Variants in GFPT2 observed in about 807,000 individuals in gnomAD.
The protein encoded by GFPT2 is glutamine--fructose-6-phosphate aminotransferase [isomerizing] 2.
Under a neutral mutation model 85.6 loss-of-function variants are expected in GFPT2, and 62 were observed. The observed-to-expected ratio is 0.72, with a 90% confidence interval of 0.59 to 0.90. GFPT2 has a LOEUF of 0.90. Among genes scored for constraint, GFPT2 ranks in the 40% least tolerant of loss-of-function variants. The pLI, the probability that GFPT2 is intolerant of heterozygous loss-of-function variation, is 0.00. For synonymous variants in GFPT2, 368 were observed against 344.5 expected, an observed-to-expected ratio of 1.07 and a Z score of -0.75; for missense variants, 788 against 893.4, an observed-to-expected ratio of 0.88 and a Z score of 1.50.
chr5:180,313,545 G>C (rs1039720962), intron 14 of GFPT2, among the ~76,000 whole-genome samples: 2 of 151,504 alleles, frequency 1.3e-5, no homozygotes, highest in African/African-American at 4.8e-5. Context: ...AGCCGAGATC[G>C]CGCCCCTGCA....
Position 180,328,396 on chromosome 5 carries a change from GC to G in GFPT2, c.535-59del. 1 of 1,391,538 alleles carries G rather than the reference GC, an allele frequency of 7.2e-7. No individual in the cohort carries two copies. The highest frequency in any genetic ancestry group is 1.0e-6 in the Non-Finnish European group (1 of 978,294). The allele number at this position is 1,391,538 out of a possible 1,614,324, so 86.2% of individuals were successfully genotyped here. ...TTCCAGCAGCCGCTGCTGCAGCCTG[GC>G]CACAGCCCAGGTGCGTCTCCCTGGG... is the stretch of plus-strand genomic sequence containing the variant. On this transcript the variant is annotated intron_variant, in intron 6 of 18. Coordinates refer to ENST00000253778, the MANE Select transcript of GFPT2 (RefSeq NM_005110.4). The surrounding 1 kb of genome is among the most constrained non-coding windows in gnomAD (Gnocchi z 5.4).
chr5:180,327,572 C>T (rs1281053088), intron 7 of GFPT2, among the ~76,000 whole-genome samples: 1 of 152,238 alleles, frequency 6.6e-6, no homozygotes, highest in East Asian at 1.9e-4. Flanking sequence ...TCTCTGCCCT[C>T]CTGTACAACT....
intron 17 of GFPT2, 143 bp downstream of exon 17, chr5:180,304,629 C>G (rs1237266481): frequency 2.6e-6 from 2 of 774,888 alleles, no homozygotes; most frequent in African/African-American, 3.4e-5. Context: ...GTGCACTCCC[C>G]ACAGGCGGCC....
At chr5:180,339,216 C>A (rs545287049) in intron 1 of GFPT2, among the ~76,000 whole-genome samples, 1 of 152,104 alleles carries the variant, frequency 6.6e-6, no homozygotes, top group African/African-American at 2.4e-5. Context: ...CCCATCTCTA[C>A]TAAAAATGCA....
intron 4 of GFPT2, among the ~76,000 whole-genome samples, chr5:180,332,065 C>T (rs1054629124): frequency 1.3e-5 from 2 of 152,222 alleles, no homozygotes; most frequent in Non-Finnish European, 2.9e-5. Context: ...ATCCTGGTTT[C>T]CTTGGGGGAA....
At chr5:180,314,191 C>A (rs930268092) in intron 13 of GFPT2, among the ~76,000 whole-genome samples, 15 of 152,178 alleles carry the variant, frequency 9.9e-5, no homozygotes, top group Admixed American at 5.2e-4. Context: ...TCGTGACAAC[C>A]CCGTGAGGAC....
chr5:180,335,125 C>T (rs1265731134), intron 4 of GFPT2, among the ~76,000 whole-genome samples: 2 of 152,234 alleles, frequency 1.3e-5, no homozygotes, highest in East Asian at 1.9e-4. Flanking sequence ...ATCTGTGGTG[C>T]TCCAACGTGC....
In GFPT2 at chr5:180,328,559, C is replaced by G. The variant is rs7730414; in HGVS notation, c.535-221G>C. Among the ~76,000 whole-genome samples, 1 of 152,178 alleles carries G rather than the reference C, an allele frequency of 6.6e-6. No homozygotes were observed. Among genetic ancestry groups the G allele is most frequent in the African/African-American group, 2.4e-5 (1 of 41,434 alleles). On this transcript the variant is annotated intron_variant, in intron 6 of 18. Transcript: ENST00000253778. The surrounding 1 kb of genome is among the most constrained non-coding windows in gnomAD (Gnocchi z 5.4). The stretch of plus-strand genomic sequence containing the variant: ...CACAAACCAGAACATGTGAATTCCA[C>G]GGTGAGCGATGTGCGGCTTGCCCAG...
chr5:180,309,210 A>G (rs1329703506), intron 15 of GFPT2, among the ~76,000 whole-genome samples: 1 of 152,126 alleles, frequency 6.6e-6, no homozygotes, highest in African/African-American at 2.4e-5. Flanking sequence ...GGTCAAGCTC[A>G]TGGTAACAGA....
intron 14 of GFPT2, among the ~76,000 whole-genome samples, chr5:180,312,792 T>C (rs959615482): frequency 1.2e-4 from 18 of 152,052 alleles, no homozygotes; most frequent in African/African-American, 4.3e-4. Context: ...CTATTTTGTT[T>C]TTGAGACAAA....
At chr5:180,343,337 G>A (rs1764554935) in intron 1 of GFPT2, among the ~76,000 whole-genome samples, 1 of 152,216 alleles carries the variant, frequency 6.6e-6, no homozygotes, top group Admixed American at 6.5e-5. Flanking sequence ...ACCCACGACA[G>A]CCTCCTGGAC....
chr5:180,316,492 A>G (rs1463526380), intron 12 of GFPT2, 31 bp from the exon 13 acceptor site: 6 of 1,613,456 alleles, frequency 3.7e-6, no homozygotes, highest in East Asian at 4.5e-5. Flanking sequence ...TGGAGACTAA[A>G]GTCAGTCACA....
intron 17 of GFPT2, among the ~76,000 whole-genome samples, chr5:180,302,794 G>C (rs1763702434): frequency 6.6e-6 from 1 of 152,122 alleles, no homozygotes; most frequent in African/African-American, 2.4e-5. Flanking sequence ...CCCCTTCCCT[G>C]GTAAGGAGAT....
At chr5:180,308,617 G>T (rs1252280243) in intron 15 of GFPT2, among the ~76,000 whole-genome samples, 1 of 152,164 alleles carries the variant, frequency 6.6e-6, no homozygotes, top group East Asian at 1.9e-4. Flanking sequence ...CATCAAACTT[G>T]AGAAACAGTA....
rs538567339 is a variant in GFPT2, at chr5:180,304,846, C to T, written c.1768G>A (p.Val590Ile). The change falls in exon 17 of 19, where the codon GTC becomes ATC. Residue 590 changes from valine (V) to isoleucine (I), a missense_variant. By Grantham distance (29) the Val-to-Ile change is conservative. Coordinates refer to ENST00000253778, the MANE Select transcript of GFPT2 (RefSeq NM_005110.4). Reference protein sequence around the residue: ...PLALIDKQMPVIMVIMKDPCF... With the variant: ...PLALIDKQMPIIMVIMKDPCF... The stretch of plus-strand genomic sequence containing the variant: ...GGATCCTTCATAATGACCATGATGA[C>T]GGGCATCTGCTTGTCAATCAGTGCC... 4.0e-5 allele frequency: 64 copies of T among 1,613,774 alleles called. No homozygotes were observed. The highest frequency in any genetic ancestry group is 6.7e-5 in the African/African-American group (5 of 75,050).
rs3080055 is a variant in GFPT2, at chr5:180,310,832, CAAAAAAAAAAAAA to C, written c.1546+1585_1546+1597del. Among the ~76,000 whole-genome samples, 94 of 50,600 alleles carry C rather than the reference CAAAAAAAAAAAAA, an allele frequency of 1.9e-3. 1 individual carries two copies. The South Asian group carries it at 0.064, about 34-fold the overall frequency. The allele number at this position is 50,600 out of a possible 152,430, so 33.2% of individuals were successfully genotyped here. ...CTGCCTTTGCAAATGTGGACACAGG[CAAAAAAAAAAAAA>C]AAAAAAAAAAAAAAAAAAATTTTTA... On this transcript the variant is annotated intron_variant, in intron 15 of 18. Transcript: ENST00000253778.
intron 1 of GFPT2, among the ~76,000 whole-genome samples, chr5:180,347,705 C>T (rs151070585): frequency 1.4e-3 from 220 of 152,244 alleles, no homozygotes; most frequent in African/African-American, 4.5e-3. Flanking sequence ...TGACAGATAA[C>T]GACAATGGCC....
At chr5:180,331,202 G>T (rs1051287565) in intron 5 of GFPT2, among the ~76,000 whole-genome samples, 1 of 152,252 alleles carries the variant, frequency 6.6e-6, no homozygotes, top group African/African-American at 2.4e-5. Flanking sequence ...CGGTATACGA[G>T]TCGCTGTGTT....
At position 180,353,249 on chromosome 5, in the gene GFPT2, G is replaced by A; in HGVS notation, c.-32C>T. Reference sequence around the variant, plus strand: ...TGCTTCTCGGGCTCCTTCGCGGCTCGAGGGGGTCTGCCCGTTCGGACGCTG... The same window carrying A: ...TGCTTCTCGGGCTCCTTCGCGGCTCAAGGGGGTCTGCCCGTTCGGACGCTG... On this transcript the variant is annotated 5_prime_UTR_variant, in exon 1 of 19. Coordinates refer to ENST00000253778, the MANE Select transcript of GFPT2 (RefSeq NM_005110.4). 8.1e-7 allele frequency: 1 copy of A among 1,240,664 alleles called. No homozygotes were observed. The highest frequency in any genetic ancestry group is 1.0e-6 in the Non-Finnish European group (1 of 988,250). The allele number at this position is 1,240,664 out of a possible 1,614,324, so 76.9% of individuals were successfully genotyped here.
Sources: allele counts gnomAD v4.1 joint callset (sites outside exome capture counted in the v4.1 genomes callset), GRCh38; gene constraint gnomAD v4.1.1; non-coding constraint Gnocchi (gnomAD v3.1); transcripts MANE v1.5; gene names NCBI Gene and HGNC (gene_info 2026-07-23, HGNC 2026-07-21).